SEC23B: variants seen among roughly 807,000 people sequenced by gnomAD.
The protein encoded by SEC23B is protein transport protein Sec23B.
A neutral mutation model predicts 104.3 loss-of-function variants in SEC23B; 77 were observed. The ratio of observed to expected loss-of-function variants is 0.74; its 90% CI spans 0.61 to 0.89. SEC23B has a LOEUF of 0.89. Among genes scored for constraint, SEC23B ranks in the 40% least tolerant of loss-of-function variants. The pLI is 0.00. For missense variants in SEC23B, 885 were observed against 949.4 expected, an observed-to-expected ratio of 0.93 and a Z score of 0.89; for synonymous variants, 338 against 332.5, an observed-to-expected ratio of 1.02 and a Z score of -0.18.
intron 4 of SEC23B, among the ~76,000 whole-genome samples, chr20:18,519,965 G>A (rs2060068029): frequency 6.6e-6 from 1 of 152,200 alleles, no homozygotes; most frequent in South Asian, 2.1e-4. Flanking sequence ...TGTCCGCGAA[G>A]CCTTGCGGCA....
intron 11 of SEC23B, among the ~76,000 whole-genome samples, chr20:18,533,713 T>G (rs1193401076): frequency 6.6e-6 from 1 of 152,190 alleles, no homozygotes; most frequent in African/African-American, 2.4e-5. Flanking sequence ...CAAGGTGATT[T>G]GAGAGCACAT....
chr20:18,525,329 G>A (rs1353356219), intron 6 of SEC23B, among the ~76,000 whole-genome samples: 3 of 152,150 alleles, frequency 2.0e-5, no homozygotes, highest in Non-Finnish European at 2.9e-5. Flanking sequence ...TCAGCCCATT[G>A]AGTGCCTAGA....
chr20:18,530,536 GT>G (rs2060174625), intron 9 of SEC23B, 143 bp from the exon 10 acceptor site: 4 of 977,656 alleles, frequency 4.1e-6, no homozygotes, highest in South Asian at 1.7e-5. Context: ...TGCCTGGCCT[GT>G]TTTTTTATAT....
chr20:18,552,467 A>C (rs1600278155), intron 17 of SEC23B, among the ~76,000 whole-genome samples: 1 of 152,196 alleles, frequency 6.6e-6, no homozygotes, highest in East Asian at 1.9e-4. Flanking sequence ...AGATTCAATC[A>C]ACTGCAGGTT....
intron 16 of SEC23B, 69 bp from the exon 17 acceptor site, chr20:18,551,020 C>T (rs952076474): frequency 9.4e-5 from 87 of 927,910 alleles, no homozygotes; most frequent in Middle Eastern, 2.1e-4. Context: ...GGATCAGGGT[C>T]GGGTGGAAGT....
Position 18,511,132 on chromosome 20 carries a change from A to G in SEC23B, c.221+76A>G, listed in dbSNP as rs183784857. The stretch of plus-strand genomic sequence containing the variant: ...ATTTTATGTGATGCTCATAAAAGTC[A>G]TTAAATTTGGGCAGGTCATCAAATT... On this transcript the variant is annotated intron_variant, in intron 2 of 19. Coordinates refer to ENST00000650089, the MANE Select transcript of SEC23B (RefSeq NM_006363.6). 806 of 1,265,386 alleles carry G rather than the reference A, an allele frequency of 6.4e-4. 4 individuals carry two copies. In the African/African-American group the frequency reaches 0.011, roughly 17 times the overall value. The allele number at this position is 1,265,386 out of a possible 1,614,324, so 78.4% of individuals were successfully genotyped here.
chr20:18,537,893 G>A (rs936687597), intron 12 of SEC23B, among the ~76,000 whole-genome samples: 1 of 151,936 alleles, frequency 6.6e-6, no homozygotes, highest in Non-Finnish European at 1.5e-5. Context: ...TGACTGATCA[G>A]GTTAGTAGTT....
intron 19 of SEC23B, among the ~76,000 whole-genome samples, chr20:18,559,736 C>T (rs1202629871): frequency 6.6e-6 from 1 of 152,134 alleles, no homozygotes; most frequent in Non-Finnish European, 1.5e-5. Flanking sequence ...GCTCCAAATT[C>T]AGAGTATATG....
At position 18,515,748 on chromosome 20, in the gene SEC23B, G is replaced by T. The variant is rs767587912; in HGVS notation, c.366+12G>T. The stretch of plus-strand genomic sequence containing the variant: ...AGTACGTGATACAGGTAATTTCTTT[G>T]TTGTGCATTTAATGAGCAATGTTAA... On this transcript the variant is annotated intron_variant, in intron 4 of 19. Transcript: ENST00000650089. The T allele has an allele frequency of 3.3e-6, 5 of 1,501,164 alleles. No individual in the cohort carries two copies. The South Asian group carries it at 5.6e-5, about 17-fold the overall frequency. 93.0% of individuals were successfully genotyped at this position (1,501,164 alleles called of 1,614,324 possible).
In SEC23B at chr20:18,527,538, T is replaced by C; in HGVS notation, c.1036T>C (p.Cys346Arg). The C allele has an allele frequency of 1.1e-5, 17 of 1,613,782 alleles. No individual in the cohort carries two copies. The highest frequency in any genetic ancestry group is 1.4e-5 in the Non-Finnish European group (17 of 1,179,600). Residue 346 changes from cysteine to arginine, a missense_variant, in exon 9 of 20, where the codon TGC becomes CGC. Cys to Arg is a radical substitution (Grantham distance 180). Coordinates refer to ENST00000650089, the MANE Select transcript of SEC23B (RefSeq NM_006363.6). ...TAATCGAACAGCTGCAAATGGTCAC[T>C]GCATTGATATTTATGCTTGTGCCCT... Reference protein sequence around the residue: ...LANRTAANGHCIDIYACALDQ... With the variant: ...LANRTAANGHRIDIYACALDQ...
At chr20:18,538,657 C>T (rs569752470) in intron 12 of SEC23B, among the ~76,000 whole-genome samples, 58 of 152,270 alleles carry the variant, frequency 3.8e-4, no homozygotes, top group African/African-American at 1.3e-3. Context: ...TAGCTTTTTA[C>T]CCACAGTAGA....
At chr20:18,524,730 C>G in intron 5 of SEC23B, 61 bp downstream of exon 5, 1 of 1,419,840 alleles carries the variant, frequency 7.0e-7, no homozygotes, top group Non-Finnish European at 9.9e-7. Flanking sequence ...AGACTGGGGT[C>G]TCTTTAAAAG....
At chr20:18,560,181 T>C (rs2060479060) in intron 19 of SEC23B, among the ~76,000 whole-genome samples, 1 of 152,126 alleles carries the variant, frequency 6.6e-6, no homozygotes, top group East Asian at 1.9e-4. Flanking sequence ...TATTCAATTT[T>C]TCCCATAACA....
chr20:18,549,275 T>A (rs1261648501), intron 16 of SEC23B, among the ~76,000 whole-genome samples: 1 of 152,178 alleles, frequency 6.6e-6, no homozygotes, highest in Non-Finnish European at 1.5e-5. Context: ...GTTACTAATA[T>A]AAAATTACAT....
chr20:18,527,018 C>T (rs139412734), intron 8 of SEC23B, among the ~76,000 whole-genome samples: 5 of 152,318 alleles, frequency 3.3e-5, no homozygotes, highest in Non-Finnish European at 7.3e-5. Flanking sequence ...GAGTTCGAGA[C>T]GAGTCTTGCC....
intron 19 of SEC23B, among the ~76,000 whole-genome samples, chr20:18,556,467 C>T (rs541548174): frequency 3.3e-4 from 50 of 152,244 alleles, no homozygotes; most frequent in African/African-American, 9.4e-4. Context: ...CTTCCTGAGT[C>T]GCTTACTACT....
chr20:18,555,049 C>T, intron 18 of SEC23B, 59 bp from the exon 19 acceptor site: 3 of 1,474,012 alleles, frequency 2.0e-6, no homozygotes, highest in South Asian at 1.1e-5. Context: ...TTTTCTGTTA[C>T]ATTAATATTA....
chr20:18,509,847 A>G (rs1347385990), intron 1 of SEC23B: 2 of 152,188 alleles, frequency 1.3e-5, no homozygotes, highest in African/African-American at 2.4e-5. Flanking sequence ...CAGCCTCCCA[A>G]AGTGCTGCGA....
intron 2 of SEC23B, 81 bp from the exon 3 acceptor site, chr20:18,512,144 G>C: frequency 1.2e-6 from 1 of 850,990 alleles, no homozygotes. Context: ...ATTTACAAAT[G>C]AACGCTTTCT....
Sources: gnomAD v4.1 joint callset for allele counts (sites outside exome capture counted in the v4.1 genomes callset) on GRCh38, gnomAD v4.1.1 for gene constraint, MANE v1.5 for transcripts, NCBI Gene and HGNC (gene_info 2026-07-23, HGNC 2026-07-21) for gene names.